The following DTNB variants were observed in gnomAD, a reference collection of about 807,000 sequenced individuals.
DTNB encodes the protein dystrobrevin beta.
DTNB carries 63 observed loss-of-function variants against 90.7 expected under a neutral mutation model. That is an observed-to-expected ratio of 0.69 (90% CI 0.57 to 0.86). The LOEUF (loss-of-function observed/expected upper bound fraction) is 0.86, where lower values mean the gene tolerates loss of function less well. Among genes scored for constraint, DTNB ranks in the 40% least tolerant of loss-of-function variants. The pLI is 0.00. For synonymous variants in DTNB, 277 were observed against 286.7 expected, an observed-to-expected ratio of 0.97 and a Z score of 0.34; for missense variants, 744 against 807.1, an observed-to-expected ratio of 0.92 and a Z score of 0.95.
chr2:25,499,991 G>A (rs1169882228), intron 9 of DTNB, among the ~76,000 whole-genome samples: 2 of 152,128 alleles, frequency 1.3e-5, no homozygotes, highest in Non-Finnish European at 2.9e-5. Flanking sequence ...AAACTCCTGA[G>A]CTGAAGGGAT....
At chr2:25,532,218 C>T (rs949267408) in intron 8 of DTNB, among the ~76,000 whole-genome samples, 1 of 143,870 alleles carries the variant, frequency 7.0e-6, no homozygotes, top group African/African-American at 2.6e-5. Context: ...GCACTTCAGC[C>T]TAGGCAACAA....
chr2:25,622,641 A>G (rs1171247716), intron 4 of DTNB, among the ~76,000 whole-genome samples: 1 of 152,068 alleles, frequency 6.6e-6, no homozygotes, highest in African/African-American at 2.4e-5. Flanking sequence ...TGAAAGGACT[A>G]TGCATGCATG....
At chr2:25,378,577 G>C (rs1241562163) in intron 20 of DTNB, among the ~76,000 whole-genome samples, 1 of 152,148 alleles carries the variant, frequency 6.6e-6, no homozygotes, top group Non-Finnish European at 1.5e-5. Context: ...TAAGAGGTGG[G>C]GGGGTGGGAG....
At chr2:25,580,044 C>G (rs971238342) in intron 7 of DTNB, among the ~76,000 whole-genome samples, 1 of 133,136 alleles carries the variant, frequency 7.5e-6, no homozygotes, top group Non-Finnish European at 1.5e-5. Context: ...TGCAGTGGTG[C>G]GATCTCAACT....
chr2:25,531,681 G>T, intron 8 of DTNB, 84 bp from the exon 9 acceptor site: 1 of 1,510,184 alleles, frequency 6.6e-7, no homozygotes, highest in Non-Finnish European at 8.8e-7. Context: ...TTTGTGACAA[G>T]AGTGTAAAAA....
At chr2:25,575,935 T>C (rs1481512556) in intron 8 of DTNB, among the ~76,000 whole-genome samples, 3 of 152,204 alleles carry the variant, frequency 2.0e-5, no homozygotes, top group Non-Finnish European at 4.4e-5. Context: ...CCATGTTACA[T>C]AATTTATAAG....
At chr2:25,557,839 G>C (rs145271755) in intron 8 of DTNB, among the ~76,000 whole-genome samples, 46 of 152,304 alleles carry the variant, frequency 3.0e-4, no homozygotes, top group African/African-American at 1.1e-3. Flanking sequence ...TATCTACTTG[G>C]AAGTCCAAGA....
chr2:25,455,694 C>A (rs868699456), intron 10 of DTNB, among the ~76,000 whole-genome samples, 200 bp from the exon 11 acceptor site: 2 of 152,240 alleles, frequency 1.3e-5, no homozygotes, highest in South Asian at 4.1e-4. Flanking sequence ...ATCCTTTAAA[C>A]AAAAGCAGTC....
intron 15 of DTNB, among the ~76,000 whole-genome samples, chr2:25,420,494 C>G (rs943869583): frequency 4.5e-5 from 4 of 88,254 alleles, no homozygotes; most frequent in Non-Finnish European, 6.9e-5. Context: ...ATCTATCTAT[C>G]TATCTATCTA....
chr2:25,622,895 A>G (rs1377812999), intron 4 of DTNB, among the ~76,000 whole-genome samples: 1 of 152,214 alleles, frequency 6.6e-6, no homozygotes, highest in Non-Finnish European at 1.5e-5. Flanking sequence ...AAAATCAGAT[A>G]TATTACATAT....
intron 8 of DTNB, among the ~76,000 whole-genome samples, chr2:25,562,760 T>A (rs1033010114): frequency 6.6e-6 from 1 of 152,112 alleles, no homozygotes; most frequent in Non-Finnish European, 1.5e-5. Flanking sequence ...TCCCCATTTT[T>A]TCCCCCAATT....
chr2:25,392,907 A>G (rs766548615), intron 16 of DTNB, among the ~76,000 whole-genome samples: 5 of 152,182 alleles, frequency 3.3e-5, no homozygotes, highest in Admixed American at 6.5e-5. Context: ...AAGCCAGTAT[A>G]ACCCTAATAC....
chr2:25,598,057 T>C (rs964123299), intron 5 of DTNB, among the ~76,000 whole-genome samples: 2 of 152,214 alleles, frequency 1.3e-5, no homozygotes, highest in Non-Finnish European at 2.9e-5. Context: ...AACTAACAAG[T>C]TGCAAGTTCC....
intron 16 of DTNB, among the ~76,000 whole-genome samples, chr2:25,408,299 G>T (rs1196876989): frequency 1.3e-5 from 2 of 149,808 alleles, no homozygotes; most frequent in African/African-American, 4.9e-5. Flanking sequence ...ACAAGAGCGA[G>T]ACTCTGTCTC....
At chr2:25,539,263 T>C (rs2080590301) in intron 8 of DTNB, among the ~76,000 whole-genome samples, 1 of 152,238 alleles carries the variant, frequency 6.6e-6, no homozygotes, top group Admixed American at 6.5e-5. Flanking sequence ...AAGAGTGGAA[T>C]TACTGGCTCA....
intron 4 of DTNB, among the ~76,000 whole-genome samples, chr2:25,626,883 T>C (rs1392811186): frequency 6.6e-6 from 1 of 152,230 alleles, no homozygotes; most frequent in African/African-American, 2.4e-5. Context: ...ACTGGAACTC[T>C]TGGTTCACAG....
chr2:25,495,518 G>A (rs2068634684), intron 9 of DTNB, among the ~76,000 whole-genome samples: 1 of 152,204 alleles, frequency 6.6e-6, no homozygotes, highest in Non-Finnish European at 1.5e-5. Flanking sequence ...GGATTACATT[G>A]ATCTATAATG....
At chr2:25,648,540 T>A (rs1024608052) in intron 2 of DTNB, among the ~76,000 whole-genome samples, 1 of 152,060 alleles carries the variant, frequency 6.6e-6, no homozygotes, top group Non-Finnish European at 1.5e-5. Flanking sequence ...ATTATTTTTT[T>A]AAAAAGAGCT....
At chr2:25,503,684 G>A (rs567931613) in intron 9 of DTNB, among the ~76,000 whole-genome samples, 1 of 152,254 alleles carries the variant, frequency 6.6e-6, no homozygotes, top group African/African-American at 2.4e-5. Context: ...GGAGGCTGAG[G>A]TGGGCGGATC....
Sources: allele counts gnomAD v4.1 joint callset (sites outside exome capture counted in the v4.1 genomes callset), GRCh38; gene constraint gnomAD v4.1.1; transcripts MANE v1.5; gene names NCBI Gene and HGNC (gene_info 2026-07-23, HGNC 2026-07-21).